ATP10B: variants seen among roughly 807,000 people sequenced by gnomAD.
The protein encoded by ATP10B is phospholipid-transporting ATPase VB.
A neutral mutation model predicts 141.2 loss-of-function variants in ATP10B; 122 were observed. The ratio of observed to expected loss-of-function variants is 0.86; its 90% CI spans 0.75 to 1.00. ATP10B has a LOEUF of 1.00. Among genes scored for constraint, ATP10B ranks in the 50% least tolerant of loss-of-function variants. The pLI, the probability that ATP10B is intolerant of heterozygous loss-of-function variation, is 0.00. For synonymous variants in ATP10B, 685 were observed against 692.0 expected (o/e 0.99, Z 0.16); for missense variants, 1,876 against 1,825.3 (o/e 1.03, Z -0.51).
At chr5:160,625,489 C>A (rs1037034634) in intron 13 of ATP10B, among the ~76,000 whole-genome samples, 1 of 152,194 alleles carries the variant, frequency 6.6e-6, no homozygotes, top group Non-Finnish European at 1.5e-5. Flanking sequence ...AGTTGAGGAA[C>A]AAACTTGGAG....
chr5:160,782,984 T>G (rs1770830943), intron 2 of ATP10B, among the ~76,000 whole-genome samples: 1 of 152,272 alleles, frequency 6.6e-6, no homozygotes, highest in Middle Eastern at 3.4e-3. Flanking sequence ...CATATACACA[T>G]GTAAGTTGTA....
intron 10 of ATP10B, 136 bp from the exon 11 acceptor site, chr5:160,636,445 C>G (rs556780879): frequency 1.9e-5 from 16 of 860,184 alleles, no homozygotes; most frequent in South Asian, 1.2e-4. Flanking sequence ...CAATGTAGCT[C>G]TGTGTGTGTG....
chr5:160,796,214 C>T (rs371194812), intron 1 of ATP10B, among the ~76,000 whole-genome samples: 1 of 152,224 alleles, frequency 6.6e-6, no homozygotes, highest in African/African-American at 2.4e-5. Flanking sequence ...CTACTTCTCC[C>T]TCTTTCCCTG....
rs541803583 is a variant in ATP10B, at chr5:160,739,656, C to A, written c.-330-22622G>T. Among the ~76,000 whole-genome samples the A allele has an allele frequency of 3.9e-5, 6 of 152,254 alleles. No homozygotes were observed. The East Asian group carries it at 9.6e-4, about 24-fold the overall frequency. ...ATTCCATCCACTCACAGAGACCGTGCCCTGGAGGGAACATAGGTGAGAGAT... is the reference window on the plus strand; with the variant it reads ...ATTCCATCCACTCACAGAGACCGTGACCTGGAGGGAACATAGGTGAGAGAT... On this transcript the variant is annotated intron_variant, in intron 2 of 25. Coordinates refer to ENST00000327245, the MANE Select transcript of ATP10B (RefSeq NM_025153.3).
chr5:160,805,689 G>C lies in ATP10B; in HGVS notation c.-575-19886C>G, dbSNP rs762880592. On this transcript the variant is annotated intron_variant, in intron 1 of 25. Transcript: ENST00000327245. ...TAAGAGCATTTACACGGTGTGGGCA[G>C]TGGCCCCTAGTGCCCCAGAGGCTCT... Among the ~76,000 whole-genome samples, 45 of 152,192 alleles carry C rather than the reference G, an allele frequency of 3.0e-4. 1 individual carries two copies. The highest frequency in any genetic ancestry group is 6.2e-4 in the Non-Finnish European group (42 of 68,034).
At chr5:160,598,252 T>C (rs970456468) in intron 22 of ATP10B, among the ~76,000 whole-genome samples, 3 of 151,682 alleles carry the variant, frequency 2.0e-5, no homozygotes, top group East Asian at 1.9e-4. Context: ...ATGGATGAAA[T>C]TGGAAATCAT....
chr5:160,824,985 C>G (rs1308788543), intron 1 of ATP10B, among the ~76,000 whole-genome samples: 1 of 152,054 alleles, frequency 6.6e-6, no homozygotes, highest in Non-Finnish European at 1.5e-5. Flanking sequence ...ATTTCCAGAG[C>G]ATGTCAACTA....
intron 23 of ATP10B, among the ~76,000 whole-genome samples, chr5:160,590,273 G>A (rs984170788): frequency 3.3e-5 from 5 of 152,062 alleles, no homozygotes; most frequent in Admixed American, 2.6e-4. Flanking sequence ...AAAAGATATA[G>A]CAGGAAAGCC....
chr5:160,824,642 G>A (rs771589181), intron 1 of ATP10B, among the ~76,000 whole-genome samples: 2 of 152,102 alleles, frequency 1.3e-5, no homozygotes, highest in Non-Finnish European at 2.9e-5. Flanking sequence ...AACAAATACA[G>A]CATGTTTCTT....
intron 22 of ATP10B, among the ~76,000 whole-genome samples, chr5:160,593,465 G>C (rs998955120): frequency 7.2e-5 from 11 of 152,128 alleles, no homozygotes; most frequent in African/African-American, 2.7e-4. Flanking sequence ...ACAAAGATGG[G>C]GAAAAAACAG....
At chr5:160,681,265 T>C (rs1429657367) in intron 6 of ATP10B, among the ~76,000 whole-genome samples, 1 of 152,254 alleles carries the variant, frequency 6.6e-6, no homozygotes, top group East Asian at 1.9e-4. Context: ...TAAATTTATT[T>C]GGCTATGGGT....
chr5:160,903,113 A>T, the ATP10B span, among the ~76,000 whole-genome samples: 1 of 152,188 alleles, frequency 6.6e-6, no homozygotes, highest in Non-Finnish European at 1.5e-5. Flanking sequence ...ACTAAAAAGG[A>T]AGGAGTCTTA....
At chr5:160,826,241 C>T (rs1774592189) in intron 1 of ATP10B, among the ~76,000 whole-genome samples, 2 of 152,116 alleles carry the variant, frequency 1.3e-5, no homozygotes, top group South Asian at 4.1e-4. Flanking sequence ...AAACTGCTTT[C>T]CACAGTGGTT....
chr5:160,881,498 T>C, the ATP10B span, among the ~76,000 whole-genome samples: 2 of 152,204 alleles, frequency 1.3e-5, no homozygotes, highest in Non-Finnish European at 2.9e-5. Context: ...CACAGATATT[T>C]ATAGTAGCTT....
intron 3 of ATP10B, 115 bp downstream of exon 3, chr5:160,716,794 G>T: frequency 1.4e-6 from 1 of 710,550 alleles, no homozygotes; most frequent in Non-Finnish European, 1.7e-6. Flanking sequence ...CCTTAGCTCT[G>T]GTTTCCATCA....
the ATP10B span, among the ~76,000 whole-genome samples, chr5:160,894,073 C>T: frequency 2.0e-5 from 3 of 152,106 alleles, no homozygotes; most frequent in Non-Finnish European, 2.9e-5. Context: ...GTAGATAAAT[C>T]CACGAAGATG....
At chr5:160,890,390 T>G in the ATP10B span, among the ~76,000 whole-genome samples, 3 of 152,196 alleles carry the variant, frequency 2.0e-5, no homozygotes. Context: ...CTTGATCTAG[T>G]TTTAGCATTT....
chr5:160,565,466 G>A lies in ATP10B; in HGVS notation c.4373C>T (p.Ser1458Leu). The A allele has an allele frequency of 6.2e-7, 1 of 1,614,044 alleles. No individual in the cohort carries two copies. The highest frequency in any genetic ancestry group is 8.5e-7 in the Non-Finnish European group (1 of 1,179,944). Residue 1458 changes from serine (S) to leucine (L), a missense_variant, in exon 26 of 26, where the codon TCA becomes TTA. Physicochemically the swap from Ser to Leu is moderately radical, Grantham distance 145. Transcript: ENST00000327245. ...TTCTGCAGCTCCTCATATGGTCAGT[G>A]AACTCTGGGATCGGCGATGGCTGCT... ...KRSSHRRSQSSLTI is the reference protein window; with the variant it reads ...KRSSHRRSQSLLTI
chr5:160,826,352 G>A (rs889513019), intron 1 of ATP10B, among the ~76,000 whole-genome samples: 9 of 152,108 alleles, frequency 5.9e-5, no homozygotes, highest in African/African-American at 1.9e-4. Flanking sequence ...CATGGCAGAG[G>A]AACGTAAATC....
Sources: gnomAD v4.1 joint callset for allele counts (sites outside exome capture counted in the v4.1 genomes callset) on GRCh38, gnomAD v4.1.1 for gene constraint, MANE v1.5 for transcripts, NCBI Gene and HGNC (gene_info 2026-07-23, HGNC 2026-07-21) for gene names.